Variants in LRRC2 observed in about 807,000 individuals in gnomAD.
The protein encoded by LRRC2 is leucine-rich repeat-containing protein 2.
In LRRC2, 27 loss-of-function variants were observed where a neutral mutation model predicts 40.2. That is an observed-to-expected ratio of 0.67 (90% CI 0.49 to 0.93). LRRC2 has a LOEUF of 0.93. LRRC2 is among the 40% of genes least tolerant of loss of function. The probability of loss-of-function intolerance (pLI) is 0.00; values close to 1 mark genes in which losing one functional copy is unlikely to be tolerated. For synonymous variants in LRRC2, 147 were observed against 158.9 expected, an observed-to-expected ratio of 0.92 and a Z score of 0.56; for missense variants, 402 against 439.6, an observed-to-expected ratio of 0.91 and a Z score of 0.76.
chr3:46,541,541 C>CA (rs1704392041), intron 3 of LRRC2, among the ~76,000 whole-genome samples: 1 of 152,090 alleles, frequency 6.6e-6, no homozygotes, highest in Admixed American at 6.6e-5. Context: ...ACATCAGCTG[C>CA]AAAATGTGGA....
chr3:46,560,385 G>A (rs1704908181), intron 1 of LRRC2, among the ~76,000 whole-genome samples: 1 of 152,254 alleles, frequency 6.6e-6, no homozygotes, highest in East Asian at 1.9e-4. Flanking sequence ...ATAAACTCTA[G>A]TCAACACAAT....
At chr3:46,543,649 T>TAAA (rs11318186) in intron 3 of LRRC2, among the ~76,000 whole-genome samples, 6 of 136,236 alleles carry the variant, frequency 4.4e-5, no homozygotes, top group East Asian at 4.3e-4. Flanking sequence ...ATAATAATAA[T>TAAA]AAATAATAAA....
intron 3 of LRRC2, among the ~76,000 whole-genome samples, chr3:46,542,552 C>T (rs991799466): frequency 6.7e-6 from 1 of 149,994 alleles, no homozygotes; most frequent in African/African-American, 2.4e-5. Context: ...AGATTGATCC[C>T]AAGATAGCTA....
chr3:46,538,903 G>A, intron 4 of LRRC2, 142 bp downstream of exon 4: 1 of 794,426 alleles, frequency 1.3e-6, no homozygotes, highest in South Asian at 1.9e-5. Context: ...AGCAGCTCTG[G>A]GGAGCCTCCA....
chr3:46,519,042 GT>G lies in LRRC2; in HGVS notation c.1087del (p.Thr363ProfsTer26). The G allele has an allele frequency of 6.2e-7, 1 of 1,610,058 alleles. No individual in the cohort carries two copies. ...KERESVPSYT[T>X]KVSFSLQL ...AAGTTGAAGGCTAAAAGACACTTTGGTGGTATAGCTGGGAACAGATTCTGTA... is the reference window on the plus strand; with the variant it reads ...AAGTTGAAGGCTAAAAGACACTTTGGGGTATAGCTGGGAACAGATTCTGTA... On this transcript the variant is annotated frameshift_variant, in exon 9 of 9. Transcript: ENST00000395905. LOFTEE classifies it high-confidence loss of function.
Position 46,531,145 on chromosome 3 carries a change from A to T in LRRC2, c.628-1095T>A, listed in dbSNP as rs1043958050. On this transcript the variant is annotated intron_variant, in intron 5 of 8. Transcript: ENST00000395905. ...GACAAAGAGACAATTCAACAATTATAGTTAGATTTTTTTTTTTTTTTTTGA... is the reference window on the plus strand; with the variant it reads ...GACAAAGAGACAATTCAACAATTATTGTTAGATTTTTTTTTTTTTTTTTGA... 4.9e-5 allele frequency among the ~76,000 whole-genome samples: 6 copies of T among 122,360 alleles called. No individual in the cohort carries two copies. In the Admixed American group the frequency reaches 5.8e-4, roughly 12 times the overall value. 80.3% of individuals were successfully genotyped at this position (122,360 alleles called of 152,430 possible). A position where few individuals can be genotyped will look rare whatever the true frequency, so the allele number is the denominator to read the frequency against.
intron 1 of LRRC2, among the ~76,000 whole-genome samples, chr3:46,565,848 A>G (rs542517282): frequency 6.6e-6 from 1 of 152,338 alleles, no homozygotes; most frequent in African/African-American, 2.4e-5. Flanking sequence ...CTTTGGGCTC[A>G]GCCTTGGGCG....
intron 7 of LRRC2, among the ~76,000 whole-genome samples, chr3:46,523,838 T>C (rs1704008574): frequency 6.6e-6 from 1 of 152,092 alleles, no homozygotes; most frequent in Non-Finnish European, 1.5e-5. Context: ...TACCCACCCA[T>C]CTGTTCACAC....
At chr3:46,563,163 T>A (rs1018868867) in intron 1 of LRRC2, among the ~76,000 whole-genome samples, 2 of 152,060 alleles carry the variant, frequency 1.3e-5, no homozygotes, top group Non-Finnish European at 2.9e-5. Flanking sequence ...GGGCATGCAT[T>A]TCTCACCACC....
intron 1 of LRRC2, among the ~76,000 whole-genome samples, chr3:46,556,897 A>G (rs1409886215): frequency 6.6e-6 from 1 of 151,926 alleles, no homozygotes; most frequent in Non-Finnish European, 1.5e-5. Context: ...GTTCTTGAAC[A>G]TTTTTTCTGC....
intron 6 of LRRC2, among the ~76,000 whole-genome samples, chr3:46,528,231 G>T (rs6791703): frequency 0.51 from 77,743 of 151,740 alleles, 20,834 homozygotes; most frequent in South Asian, 0.65. Context: ...GCATGGGAAG[G>T]CAATCATACT....
At chr3:46,528,746 A>C (rs1430779737) in intron 6 of LRRC2, among the ~76,000 whole-genome samples, 1 of 152,234 alleles carries the variant, frequency 6.6e-6, no homozygotes, top group African/African-American at 2.4e-5. Flanking sequence ...AAAAAAAGTC[A>C]TACAAGATGG....
intron 2 of LRRC2, among the ~76,000 whole-genome samples, chr3:46,546,715 C>CT (rs71098416): frequency 0.11 from 11,770 of 106,530 alleles, 1,173 homozygotes; most frequent in East Asian, 0.27. Context: ...CAATTTGCTC[C>CT]TTTTTTTTTT....
chr3:46,517,181 T>A lies in LRRC2; in HGVS notation c.*1833A>T, dbSNP rs895095902. The A allele has an allele frequency of 2.0e-5, 3 of 151,902 alleles. No individual in the cohort carries two copies. Among genetic ancestry groups the A allele is most frequent in the African/African-American group, 7.3e-5 (3 of 41,342 alleles). 9.4% of individuals were successfully genotyped at this position (151,902 alleles called of 1,614,324 possible). On this transcript the variant is annotated 3_prime_UTR_variant, in exon 9 of 9. Coordinates refer to ENST00000395905, the MANE Select transcript of LRRC2 (RefSeq NM_024512.5). ...GAACATTTCCGTCACTGCAGAAAGC[T>A]CCACTGGATGGTACTGGGCAAGACC...
chr3:46,548,732 A>T (rs1487767504), intron 2 of LRRC2, among the ~76,000 whole-genome samples: 1 of 152,120 alleles, frequency 6.6e-6, no homozygotes, highest in Non-Finnish European at 1.5e-5. Flanking sequence ...GCAGTCCTCA[A>T]CCTTTTTGGC....
intron 5 of LRRC2, among the ~76,000 whole-genome samples, chr3:46,530,953 T>G (rs898614886): frequency 6.6e-6 from 1 of 152,160 alleles, no homozygotes; most frequent in African/African-American, 2.4e-5. Flanking sequence ...TCAGACAAAT[T>G]ATATTTAAGA....
intron 2 of LRRC2, 73 bp from the exon 3 acceptor site, chr3:46,545,326 C>G: frequency 7.6e-7 from 1 of 1,318,498 alleles, no homozygotes; most frequent in Non-Finnish European, 1.1e-6. Flanking sequence ...AGTGAGTCAG[C>G]CACCTGGGCA....
intron 3 of LRRC2, 107 bp from the exon 4 acceptor site, chr3:46,539,308 G>A (rs970900808): frequency 8.9e-6 from 10 of 1,118,788 alleles, no homozygotes; most frequent in Non-Finnish European, 1.2e-5. Flanking sequence ...GCAGACACGA[G>A]AGCATAAAAC....
intron 7 of LRRC2, 86 bp from the exon 8 acceptor site, chr3:46,521,744 C>A (rs1703968180): frequency 2.2e-6 from 3 of 1,367,570 alleles, no homozygotes; most frequent in Middle Eastern, 1.9e-4. Context: ...CCTCTGTTAT[C>A]CCAAGTTCTG....
Sources: allele counts gnomAD v4.1 joint callset (sites outside exome capture counted in the v4.1 genomes callset), GRCh38; gene constraint gnomAD v4.1.1; transcripts MANE v1.5; gene names NCBI Gene and HGNC (gene_info 2026-07-23, HGNC 2026-07-21).